Variants in ZSCAN5A observed in about 807,000 individuals in gnomAD.
ZSCAN5A encodes zinc finger and SCAN domain containing 5A, also known as zinc finger and SCAN domain-containing protein 5A.
ZSCAN5A carries 12 observed loss-of-function variants against 23.7 expected under a neutral mutation model. The ratio of observed to expected loss-of-function variants is 0.51; its 90% confidence interval spans 0.32 to 0.82. The LOEUF (loss-of-function observed/expected upper bound fraction) is 0.82. ZSCAN5A is among the 40% of genes least tolerant of loss of function. The probability of loss-of-function intolerance (pLI) is 0.03; values close to 1 mark genes in which losing one functional copy is unlikely to be tolerated. For missense variants in ZSCAN5A, 597 were observed against 617.9 expected (o/e 0.97, Z 0.36); for synonymous variants, 257 against 239.9 (o/e 1.07, Z -0.66).
intron 2 of ZSCAN5A, among the ~76,000 whole-genome samples, chr19:56,240,188 A>AC (rs879326256): frequency 3.3e-4 from 49 of 149,912 alleles, no homozygotes; most frequent in African/African-American, 1.0e-3. Flanking sequence ...AGAAAAAAAA[A>AC]CCCATAAAAC....
chr19:56,262,318 C>A (rs10404368), intron 2 of ZSCAN5A, among the ~76,000 whole-genome samples: 394 of 151,994 alleles, frequency 2.6e-3, no homozygotes, highest in Middle Eastern at 0.017. Context: ...CGTGCCCGGC[C>A]CACTTTTCTA....
rs371491455 is a variant in ZSCAN5A at position 56,266,493 on chromosome 19, C to CCTTTTTTTTTTTTTTTTTTT, written c.-127-41321_-127-41320insAAAAAAAAAAAAAAAAAAAG. 4 of 58,002 alleles carry CCTTTTTTTTTTTTTTTTTTT rather than the reference C, an allele frequency of 6.9e-5. 1 individual carries two copies. Among genetic ancestry groups the CCTTTTTTTTTTTTTTTTTTT allele is most frequent in the Non-Finnish European group, 1.3e-4 (4 of 29,720 alleles). 3.6% of individuals were successfully genotyped at this position (58,002 alleles called of 1,614,324 possible). A position where few individuals can be genotyped will look rare whatever the true frequency, so the allele number is the denominator to read the frequency against. ...GCTTTCTGCTTGGGAGATGCCCCCA[C>CCTTTTTTTTTTTTTTTTTTT]TTTTTTTTTTTTTTTTTTTTTTGAG... On this transcript the variant is annotated intron_variant, in intron 2 of 5. Transcript: ENST00000683990.
intron 2 of ZSCAN5A, among the ~76,000 whole-genome samples, chr19:56,332,898 T>G (rs956063086): frequency 6.6e-6 from 1 of 152,248 alleles, no homozygotes; most frequent in Admixed American, 6.5e-5. Flanking sequence ...AAATATTTTA[T>G]TTCTTCTTTG....
rs2038373985 is a variant in ZSCAN5A, at chr19:56,277,748, CAGAA to C, written c.-128+35531_-128+35534del. On this transcript the variant is annotated intron_variant, in intron 2 of 5. Coordinates refer to ENST00000683990, the MANE Select transcript of ZSCAN5A (RefSeq NM_001322064.3). ...TAAAAAAATAAGGATAATAGAGACT[CAGAA>C]GGAAGGAGGGTGGCAGGGAGGTGAG... is the stretch of plus-strand genomic sequence containing the variant. Among the ~76,000 whole-genome samples, 9 of 152,062 alleles carry C rather than the reference CAGAA, an allele frequency of 5.9e-5. No homozygotes were observed. The South Asian group carries it at 1.9e-3, about 32-fold the overall frequency.
At chr19:56,267,387 T>C (rs2037551330) in intron 2 of ZSCAN5A, among the ~76,000 whole-genome samples, 1 of 152,090 alleles carries the variant, frequency 6.6e-6, no homozygotes, top group Non-Finnish European at 1.5e-5. Context: ...AGGTATATAG[T>C]CTATTAAGGC....
chr19:56,304,905 C>A, intron 2 of ZSCAN5A: 4 of 516,672 alleles, frequency 7.7e-6, no homozygotes, highest in Non-Finnish European at 1.0e-5. Flanking sequence ...AACTGCCTGG[C>A]ATTTGAGGTA....
At chr19:56,319,333 T>C (rs1360792328), upstream of ZSCAN5A, among the ~76,000 whole-genome samples, 2 of 151,676 alleles carry the variant, frequency 1.3e-5, no homozygotes, top group African/African-American at 4.8e-5. Context: ...CCATCTCTAC[T>C]AAAAATACAA....
chr19:56,338,438 T>C (rs929165856), intron 2 of ZSCAN5A: 3 of 152,158 alleles, frequency 2.0e-5, no homozygotes, highest in Non-Finnish European at 4.4e-5. Flanking sequence ...ACCATGGCCT[T>C]TCCCTGAGTG....
At chr19:56,247,697 T>A (rs907063719) in intron 2 of ZSCAN5A, among the ~76,000 whole-genome samples, 13 of 71,968 alleles carry the variant, frequency 1.8e-4, no homozygotes, top group African/African-American at 3.5e-4. Flanking sequence ...TTCTTTCTTT[T>A]ATTATTTTTT....
At chr19:56,251,543 C>T (rs1018021349) in intron 2 of ZSCAN5A, among the ~76,000 whole-genome samples, 1 of 150,452 alleles carries the variant, frequency 6.6e-6, no homozygotes, top group Non-Finnish European at 1.5e-5. Flanking sequence ...CTTCAATAGC[C>T]CACAGCTAGA....
chr19:56,245,708 T>G (rs114010443), intron 2 of ZSCAN5A, among the ~76,000 whole-genome samples: 3,869 of 150,182 alleles, frequency 0.026, 163 homozygotes, highest in African/African-American at 0.087. Context: ...TGAAGGTCCC[T>G]TCCCCATTCA....
At chr19:56,321,970 C>A in intron 2 of ZSCAN5A, 1 of 780,426 alleles carries the variant, frequency 1.3e-6, no homozygotes, top group South Asian at 1.3e-5. Flanking sequence ...CACCATGGAT[C>A]AAATTAGTGC....
intron 2 of ZSCAN5A, among the ~76,000 whole-genome samples, chr19:56,256,703 G>A (rs1176296176): frequency 1.3e-5 from 2 of 152,226 alleles, no homozygotes; most frequent in African/African-American, 4.8e-5. Context: ...TTAGTGTGGA[G>A]ACAGATATAG....
At position 56,344,909 on chromosome 19, in the gene ZSCAN5A, CAAAAAAAAAAAAAAA is replaced by C. The variant is rs1019131536; in HGVS notation, c.-358+18311_-358+18325del. On this transcript the variant is annotated intron_variant, in intron 2 of 6. Transcript: ENST00000587340. ...TGGGCGACAGAGCGAGACTCCGTCT[CAAAAAAAAAAAAAAA>C]AAAAAAAAAAAGAAAAAAAAGATAC... Among the ~76,000 whole-genome samples the C allele has an allele frequency of 6.5e-3, 124 of 19,050 alleles. 2 individuals carry two copies. Among genetic ancestry groups the C allele is most frequent in the African/African-American group, 0.02 (116 of 5,722 alleles). 12.5% of individuals were successfully genotyped at this position (19,050 alleles called of 152,430 possible).
At chr19:56,309,713 G>A (rs996195962) in intron 2 of ZSCAN5A, among the ~76,000 whole-genome samples, 21 of 152,208 alleles carry the variant, frequency 1.4e-4, no homozygotes, top group African/African-American at 5.1e-4. Context: ...GGCCTGGGCA[G>A]TCCCTGCTCC....
At chr19:56,254,088 T>C (rs1240234024) in intron 2 of ZSCAN5A, among the ~76,000 whole-genome samples, 1 of 151,014 alleles carries the variant, frequency 6.6e-6, no homozygotes, top group Non-Finnish European at 1.5e-5. Context: ...TAAGTCTTCC[T>C]CTTCTGTTAG....
At chr19:56,344,017 A>G (rs2041613568) in intron 2 of ZSCAN5A, among the ~76,000 whole-genome samples, 1 of 152,346 alleles carries the variant, frequency 6.6e-6, no homozygotes, top group Non-Finnish European at 1.5e-5. Flanking sequence ...TATGTTAATC[A>G]CTTACCTACA....
intron 2 of ZSCAN5A, among the ~76,000 whole-genome samples, chr19:56,257,551 G>A (rs2036791950): frequency 6.6e-6 from 1 of 150,860 alleles, no homozygotes; most frequent in African/African-American, 2.4e-5. Context: ...CTTAGACACA[G>A]GCGCCGGGGG....
rs774614802 is a variant in ZSCAN5A, at chr19:56,225,034, A to G, written c.13T>C (p.Cys5Arg). ...TCTCCTAGACTCCATGAGGATGTGC[A>G]ATTTGCAGCCATATCTAGTGGAGAA... MAANCTSSWSLGESC... is the reference protein window; with the variant it reads MAANRTSSWSLGESC... Residue 5 changes from cysteine (C) to arginine (R), a missense_variant, in exon 3 of 6, where the codon TGC (cysteine) becomes CGC (arginine). Around this residue, in one of 5 missense-constraint regions of ZSCAN5A, gnomAD observed 72 missense variants for 76.8 expected, o/e 0.94. Coordinates refer to ENST00000683990, the MANE Select transcript of ZSCAN5A (RefSeq NM_001322064.3). 3.1e-6 allele frequency: 5 copies of G among 1,598,096 alleles called. No individual in the cohort carries two copies. The African/African-American group carries it at 6.7e-5, about 21-fold the overall frequency.
Sources: gnomAD v4.1 joint callset for allele counts (sites outside exome capture counted in the v4.1 genomes callset) on GRCh38, gnomAD v4.1.1 for gene constraint, gnomAD v4.1.1 regional missense constraint, MANE v1.5 for transcripts, NCBI Gene and HGNC (gene_info 2026-07-23, HGNC 2026-07-21) for gene names.